Variants in NEGR1 observed in about 807,000 individuals in gnomAD.
NEGR1 encodes neuronal growth regulator 1.
Under a neutral mutation model 40.9 loss-of-function variants are expected in NEGR1, and 10 were observed. The observed-to-expected ratio is 0.24, with a 90% CI of 0.15 to 0.42. NEGR1 has a LOEUF of 0.42. NEGR1 is among the 10% of genes least tolerant of loss of function. NEGR1 has a pLI of 1.00. For synonymous variants in NEGR1, 185 were observed against 166.8 expected (o/e 1.11, Z -0.84); for missense variants, 352 against 438.9 (o/e 0.80, Z 1.77).
At chr1:71,633,084 A>G (rs1651029881) in intron 4 of NEGR1, among the ~76,000 whole-genome samples, 1 of 152,084 alleles carries the variant, frequency 6.6e-6, no homozygotes, top group Non-Finnish European at 1.5e-5. Flanking sequence ...TTACTTTCAA[A>G]TTGAGTTCAG....
At chr1:71,739,228 A>T (rs201219565) in intron 3 of NEGR1, among the ~76,000 whole-genome samples, 12,804 of 150,266 alleles carry the variant, frequency 0.085, 751 homozygotes, top group East Asian at 0.16. Flanking sequence ...CAAAAAAAAA[A>T]AACGTGAAAA....
intron 1 of NEGR1, among the ~76,000 whole-genome samples, chr1:72,035,242 C>T (rs571374414): frequency 7.2e-5 from 11 of 152,280 alleles, no homozygotes; most frequent in Non-Finnish European, 1.3e-4. Flanking sequence ...TCTCTGCATG[C>T]GGAAGCCTTT....
chr1:71,917,799 G>T (rs868510093), intron 2 of NEGR1, among the ~76,000 whole-genome samples: 67 of 137,828 alleles, frequency 4.9e-4, no homozygotes, highest in African/African-American at 1.6e-3. Flanking sequence ...AAAAAAAAAA[G>T]TAAGTCATAT....
At chr1:71,786,982 A>G (rs968223193) in intron 2 of NEGR1, among the ~76,000 whole-genome samples, 5 of 152,218 alleles carry the variant, frequency 3.3e-5, no homozygotes, top group Non-Finnish European at 7.3e-5. Context: ...GAACATGTGG[A>G]GGCACCACAT....
chr1:71,686,823 A>C (rs1012646588), intron 4 of NEGR1, among the ~76,000 whole-genome samples: 1 of 152,232 alleles, frequency 6.6e-6, no homozygotes, highest in Non-Finnish European at 1.5e-5. Context: ...TTCATGAGAG[A>C]CTGCATCCTC....
rs148586765 is a variant in NEGR1, at chr1:71,948,482, C to CGTGTGT, written c.177-13177_177-13172dup. ...AGGGATATGTGTGCTTCAAAAGGGG[C>CGTGTGT]GTGTGTGTGTGTGTGAGAGAGAGAG... On this transcript the variant is annotated intron_variant, in intron 1 of 6. Coordinates refer to ENST00000357731, the MANE Select transcript of NEGR1 (RefSeq NM_173808.3). Among the ~76,000 whole-genome samples, 24 of 146,406 alleles carry CGTGTGT rather than the reference C, an allele frequency of 1.6e-4. No individual in the cohort carries two copies. The South Asian group carries it at 4.3e-3, about 26-fold the overall frequency.
chr1:71,416,342 G>C (rs1367299159), intron 6 of NEGR1, among the ~76,000 whole-genome samples: 1 of 152,086 alleles, frequency 6.6e-6, no homozygotes, highest in African/African-American at 2.4e-5. Context: ...TGTTAGGAAG[G>C]TTACCTAAAC....
At chr1:72,143,490 G>A (rs983870176) in intron 1 of NEGR1, among the ~76,000 whole-genome samples, 2 of 151,666 alleles carry the variant, frequency 1.3e-5, no homozygotes, top group Non-Finnish European at 3.0e-5. Flanking sequence ...GGGAAATAAG[G>A]AATCAATGTG....
intron 6 of NEGR1, among the ~76,000 whole-genome samples, chr1:71,511,573 T>C (rs899861617): frequency 2.0e-5 from 3 of 152,244 alleles, no homozygotes; most frequent in Non-Finnish European, 4.4e-5. Context: ...GAGACTTCCC[T>C]AGAAGTTCCA....
chr1:71,732,416 C>T (rs1185893022), intron 3 of NEGR1, among the ~76,000 whole-genome samples: 1 of 152,100 alleles, frequency 6.6e-6, no homozygotes, highest in Non-Finnish European at 1.5e-5. Context: ...GACCCAGTCT[C>T]AGCCAATGTG....
intron 2 of NEGR1, among the ~76,000 whole-genome samples, chr1:71,896,949 G>A (rs766563119): frequency 2.6e-5 from 4 of 152,060 alleles, no homozygotes; most frequent in Non-Finnish European, 5.9e-5. Context: ...CAAGTAACTG[G>A]CTAAAGATGA....
At chr1:71,836,393 C>A (rs1295261258) in intron 2 of NEGR1, among the ~76,000 whole-genome samples, 2 of 150,406 alleles carry the variant, frequency 1.3e-5, no homozygotes, top group African/African-American at 4.9e-5. Context: ...CGCATCATTG[C>A]ACTCCAGCCT....
At chr1:72,197,506 G>C (rs1375110251) in intron 1 of NEGR1, among the ~76,000 whole-genome samples, 1 of 151,910 alleles carries the variant, frequency 6.6e-6, no homozygotes, top group Non-Finnish European at 1.5e-5. Context: ...TTGTACACTA[G>C]AGATCAAATA....
intron 6 of NEGR1, among the ~76,000 whole-genome samples, chr1:71,568,893 C>T (rs1326140527): frequency 7.0e-6 from 1 of 143,036 alleles, no homozygotes; most frequent in African/African-American, 2.5e-5. Context: ...AGTGTCCTTG[C>T]CTCAGGGGCA....
At chr1:71,766,984 G>A (rs1656155808) in intron 3 of NEGR1, among the ~76,000 whole-genome samples, 1 of 152,104 alleles carries the variant, frequency 6.6e-6, no homozygotes, top group Admixed American at 6.5e-5. Flanking sequence ...AAGTTGCTAC[G>A]CTTCCTGTAC....
chr1:71,755,229 T>C (rs900895372), intron 3 of NEGR1, among the ~76,000 whole-genome samples: 4 of 152,120 alleles, frequency 2.6e-5, no homozygotes, highest in African/African-American at 7.2e-5. Context: ...TCTATCAGTC[T>C]GTTGGTTTTA....
chr1:72,245,680 G>C (rs1654880123), intron 1 of NEGR1, among the ~76,000 whole-genome samples: 1 of 152,032 alleles, frequency 6.6e-6, no homozygotes, highest in African/African-American at 2.4e-5. Context: ...TTAAACATAA[G>C]AGAAATGTAT....
intron 2 of NEGR1, among the ~76,000 whole-genome samples, chr1:71,876,847 C>T (rs771965312): frequency 6.6e-6 from 1 of 151,960 alleles, no homozygotes; most frequent in Non-Finnish European, 1.5e-5. Context: ...AAACTAAACT[C>T]TAAATTAGGA....
intron 3 of NEGR1, among the ~76,000 whole-genome samples, chr1:71,728,493 G>C (rs1375986131): frequency 6.6e-6 from 1 of 152,128 alleles, no homozygotes; most frequent in Admixed American, 6.6e-5. Flanking sequence ...TACCCCATTA[G>C]AACAGTTCTA....
Sources: allele counts gnomAD v4.1 joint callset (sites outside exome capture counted in the v4.1 genomes callset), GRCh38; gene constraint gnomAD v4.1.1; transcripts MANE v1.5; gene names NCBI Gene and HGNC (gene_info 2026-07-23, HGNC 2026-07-21).